The following CSDE1 variants were observed in gnomAD, a reference collection of about 807,000 sequenced individuals.
CSDE1 encodes the protein cold shock domain containing E1, also known as cold shock domain-containing protein E1.
Under a neutral mutation model 89.3 loss-of-function variants are expected in CSDE1, and 17 were observed. The ratio of observed to expected loss-of-function variants is 0.19; its 90% confidence interval spans 0.13 to 0.29. The LOEUF is 0.29. Ranked by LOEUF, CSDE1 falls within the 10% of genes least tolerant of loss-of-function variation. The probability of loss-of-function intolerance (pLI) is 1.00; values close to 1 mark genes in which losing one functional copy is unlikely to be tolerated. For synonymous variants in CSDE1, 322 were observed against 332.8 expected (o/e 0.97, Z 0.35); for missense variants, 672 against 984.2 (o/e 0.68, Z 4.24).
chr1:114,745,010 A>C (rs1351381106), intron 2 of CSDE1, among the ~76,000 whole-genome samples: 2 of 152,008 alleles, frequency 1.3e-5, no homozygotes, highest in African/African-American at 4.8e-5. Context: ...ATTAAAAAAA[A>C]ACTTGAATTT....
At chr1:114,733,323 CG>C (rs1294740535) in intron 9 of CSDE1, among the ~76,000 whole-genome samples, 2 of 151,960 alleles carry the variant, frequency 1.3e-5, no homozygotes, top group East Asian at 3.9e-4. Flanking sequence ...GTCAAGAGAT[CG>C]AGACCATCCT....
intron 19 of CSDE1, 126 bp downstream of exon 19, chr1:114,718,487 A>C: frequency 7.7e-7 from 1 of 1,298,228 alleles, no homozygotes; most frequent in African/African-American, 1.5e-5. Flanking sequence ...GAAAGTCCTA[A>C]CTAGTTATAA....
At chr1:114,741,834 A>T (rs1157682144) in intron 2 of CSDE1, among the ~76,000 whole-genome samples, 1 of 152,068 alleles carries the variant, frequency 6.6e-6, no homozygotes, top group African/African-American at 2.4e-5. Flanking sequence ...GGTGAAATGT[A>T]TTTTTTTTAA....
chr1:114,724,243 G>A (rs748569216), intron 15 of CSDE1: 120 of 308,986 alleles, frequency 3.9e-4, no homozygotes, highest in Non-Finnish European at 6.0e-4. Flanking sequence ...AATTGTTTAA[G>A]GAATTAATAA....
chr1:114,720,663 C>T lies in CSDE1; in HGVS notation c.1928G>A (p.Gly643Glu). 6.2e-7 allele frequency: 1 copy of T among 1,614,158 alleles called. No individual in the cohort carries two copies. Among genetic ancestry groups the T allele is most frequent in the Non-Finnish European group, 8.5e-7 (1 of 1,180,036 alleles). ...PFGIVGMANK[G>E]DCLQKGESVK... ...GCTCTCCCCTTTCTGCAGGCAATCC[C>T]CTTTGTTGGCCATCCCAACGATGCC... The change falls in exon 17 of 20, where the codon GGG (glycine) becomes GAG (glutamate). Residue 643 changes from glycine (G) to glutamate (E), a missense_variant. Gly to Glu is a moderately conservative substitution (Grantham distance 98). This residue lies in a region of CSDE1 where 206 missense variants were observed against 332.4 expected (regional missense o/e 0.62). Transcript: ENST00000358528.
At chr1:114,724,310 AT>A in intron 15 of CSDE1, 1 of 226,590 alleles carries the variant, frequency 4.4e-6, no homozygotes, top group Non-Finnish European at 8.8e-6. Context: ...ACCATATGTC[AT>A]TTTTTAAGAA....
chr1:114,742,243 G>A (rs373918139), intron 2 of CSDE1, among the ~76,000 whole-genome samples: 1 of 152,098 alleles, frequency 6.6e-6, no homozygotes, highest in Non-Finnish European at 1.5e-5. Flanking sequence ...CCGTATGCCC[G>A]ATAAGGAGAT....
chr1:114,718,753 T>C lies in CSDE1; in HGVS notation c.2217-8A>G. The C allele has an allele frequency of 6.2e-7, 1 of 1,613,302 alleles. No individual in the cohort carries two copies. The highest frequency in any genetic ancestry group is 8.5e-7 in the Non-Finnish European group (1 of 1,179,710). Reference sequence around the variant, plus strand: ...ACAGCCTTGGGGCCCTCACTGTAATTAAGTCAAAAGATGAGAAGAAACCAC... The same window carrying C: ...ACAGCCTTGGGGCCCTCACTGTAATCAAGTCAAAAGATGAGAAGAAACCAC... On this transcript the variant is annotated splice_region_variant and splice_polypyrimidine_tract_variant and intron_variant, in intron 18 of 19. Coordinates refer to ENST00000358528, the MANE Select transcript of CSDE1 (RefSeq NM_001007553.3).
intron 1 of CSDE1, among the ~76,000 whole-genome samples, chr1:114,755,264 T>C (rs1021147791): frequency 2.0e-5 from 3 of 152,188 alleles, no homozygotes; most frequent in Admixed American, 6.5e-5. Context: ...AAAAGCACTA[T>C]TGTGCCAATT....
chr1:114,729,038 C>T (rs1178490958), intron 12 of CSDE1, among the ~76,000 whole-genome samples: 1 of 152,112 alleles, frequency 6.6e-6, no homozygotes, highest in Non-Finnish European at 1.5e-5. Flanking sequence ...CATTACTCTC[C>T]CAAAGCACAT....
intron 2 of CSDE1, among the ~76,000 whole-genome samples, chr1:114,740,871 A>G (rs1298282354): frequency 6.6e-6 from 1 of 152,246 alleles, no homozygotes; most frequent in Non-Finnish European, 1.5e-5. Context: ...AATCTGATTT[A>G]TAAGTATTTC....
At chr1:114,744,646 T>A (rs1660920097) in intron 2 of CSDE1, among the ~76,000 whole-genome samples, 1 of 151,736 alleles carries the variant, frequency 6.6e-6, no homozygotes, top group Non-Finnish European at 1.5e-5. Flanking sequence ...CATGGATGAG[T>A]ATATTTGTAA....
chr1:114,726,769 C>T (rs771708320), intron 13 of CSDE1, among the ~76,000 whole-genome samples: 4 of 152,208 alleles, frequency 2.6e-5, no homozygotes, highest in East Asian at 1.9e-4. Flanking sequence ...TTTTATCTAA[C>T]GTTTAAACAG....
At chr1:114,754,325 G>A (rs1661473273) in intron 1 of CSDE1, among the ~76,000 whole-genome samples, 1 of 152,206 alleles carries the variant, frequency 6.6e-6, no homozygotes, top group African/African-American at 2.4e-5. Context: ...TTCCTCGGCT[G>A]TTTTACCTCA....
In CSDE1 at chr1:114,725,308, G is replaced by C. The variant is rs1322231550; in HGVS notation, c.1666C>G (p.Leu556Val). 6.2e-7 allele frequency: 1 copy of C among 1,614,052 alleles called. No individual in the cohort carries two copies. The highest frequency in any genetic ancestry group is 8.5e-7 in the Non-Finnish European group (1 of 1,180,004). Residue 556 changes from leucine (L) to valine (V), a missense_variant, in exon 15 of 20, where the codon CTG (leucine) becomes GTG (valine). By Grantham distance (32) the Leu-to-Val change is conservative. Around this residue, in one of 8 missense-constraint regions of CSDE1, gnomAD observed 206 missense variants for 332.4 expected, o/e 0.62. Transcript: ENST00000358528. ...YSEFSGDVDS[L>V]ELGDMVEYSL... ...TACTCGACCATGTCCCCCAGTTCCA[G>C]GCTATCAACATCACCAGAGAACTCA...
intron 10 of CSDE1, among the ~76,000 whole-genome samples, chr1:114,731,114 T>C (rs565367061): frequency 6.6e-6 from 1 of 152,126 alleles, no homozygotes; most frequent in African/African-American, 2.4e-5. Flanking sequence ...TTCTCTTTTT[T>C]TTTTTTCCTT....
intron 1 of CSDE1, among the ~76,000 whole-genome samples, chr1:114,750,660 TTA>T (rs758313794): frequency 1.2e-4 from 18 of 152,138 alleles, no homozygotes; most frequent in Non-Finnish European, 2.5e-4. Flanking sequence ...TAGGTATCTA[TTA>T]TGTCACAGAC....
At chr1:114,744,376 T>C (rs572906097) in intron 2 of CSDE1, among the ~76,000 whole-genome samples, 5 of 152,102 alleles carry the variant, frequency 3.3e-5, no homozygotes, top group Non-Finnish European at 5.9e-5. Context: ...AGCCCAGGAA[T>C]TTGAGACCAG....
intron 6 of CSDE1, among the ~76,000 whole-genome samples, chr1:114,736,374 T>C (rs1660401397): frequency 6.6e-6 from 1 of 152,208 alleles, no homozygotes; most frequent in African/African-American, 2.4e-5. Flanking sequence ...CTTTACCTTC[T>C]GGTCAGTTCG....
Sources: allele counts gnomAD v4.1 joint callset (sites outside exome capture counted in the v4.1 genomes callset), GRCh38; gene constraint gnomAD v4.1.1; regional missense constraint gnomAD v4.1.1; transcripts MANE v1.5; gene names NCBI Gene and HGNC (gene_info 2026-07-23, HGNC 2026-07-21).